Variants in FAM149A observed in about 807,000 individuals in gnomAD.
FAM149A encodes protein FAM149A.
FAM149A carries 71 observed loss-of-function variants against 78.2 expected under a neutral mutation model. The observed-to-expected ratio is 0.91, with a 90% CI of 0.75 to 1.11. The LOEUF (loss-of-function observed/expected upper bound fraction) is 1.11, where lower values mean the gene tolerates loss of function less well. Among genes scored for constraint, FAM149A ranks in the 50% least tolerant of loss-of-function variants. FAM149A has a pLI of 0.00. For synonymous variants in FAM149A, 446 were observed against 410.5 expected, an observed-to-expected ratio of 1.09 and a Z score of -1.04; for missense variants, 1,036 against 971.0, an observed-to-expected ratio of 1.07 and a Z score of -0.89.
chr4:186,141,235 GA>G (rs1216980787), intron 1 of FAM149A, among the ~76,000 whole-genome samples: 1 of 152,088 alleles, frequency 6.6e-6, no homozygotes, highest in African/African-American at 2.4e-5. Context: ...ATAGATACTG[GA>G]TATTAGACCT....
In FAM149A at chr4:186,164,601, T is replaced by G. The variant is rs1041974199; in HGVS notation, c.1890-743T>G. 13 of 502,708 alleles carry G rather than the reference T, an allele frequency of 2.6e-5. No individual in the cohort carries two copies. Among genetic ancestry groups the G allele is most frequent in the Non-Finnish European group, 2.6e-5 (10 of 388,598 alleles). The allele number at this position is 502,708 out of a possible 1,614,324, so 31.1% of individuals were successfully genotyped here. On this transcript the variant is annotated intron_variant, in intron 10 of 13. Transcript: ENST00000389354. This position sits in a 1 kb window ranked among gnomAD's most constrained non-coding sequence, Gnocchi z 4.0. Reference sequence around the variant, plus strand: ...GTCTGCTGTGCTGATTCCTTCGAGATCCCTCTCCCTCCTCCGCCTCGCTTC... The same window carrying G: ...GTCTGCTGTGCTGATTCCTTCGAGAGCCCTCTCCCTCCTCCGCCTCGCTTC...
intron 1 of FAM149A, among the ~76,000 whole-genome samples, chr4:186,115,480 A>T (rs988799474): frequency 9.7e-6 from 1 of 102,808 alleles, no homozygotes; most frequent in Non-Finnish European, 2.0e-5. Flanking sequence ...TCTGCGTTTT[A>T]GAGTTTCCAG....
intron 1 of FAM149A, chr4:186,109,310 T>C: frequency 1.4e-6 from 1 of 693,930 alleles, no homozygotes; most frequent in Non-Finnish European, 1.8e-6. Context: ...ATATATTCAC[T>C]CTTTTTTTTT....
At chr4:186,125,493 C>A in intron 1 of FAM149A, 1 of 365,424 alleles carries the variant, frequency 2.7e-6, no homozygotes, top group Non-Finnish European at 3.8e-6. Context: ...GTCCGTCCGT[C>A]AGCCAGCCAG....
intron 13 of FAM149A, among the ~76,000 whole-genome samples, chr4:186,167,922 G>A (rs555304572): frequency 2.1e-4 from 32 of 152,020 alleles, no homozygotes; most frequent in Admixed American, 5.9e-4. Flanking sequence ...TAACAAGCAG[G>A]GTACATAAAA....
At chr4:186,113,562 C>G (rs186598520) in intron 1 of FAM149A, among the ~76,000 whole-genome samples, 1 of 128,226 alleles carries the variant, frequency 7.8e-6, no homozygotes, top group African/African-American at 3.0e-5. Flanking sequence ...CACACTGCTT[C>G]GAATGCGTCC....
At chr4:186,166,372 G>A (rs562898155) in intron 11 of FAM149A, among the ~76,000 whole-genome samples, 54 of 152,078 alleles carry the variant, frequency 3.6e-4, no homozygotes, top group Admixed American at 9.2e-4. Flanking sequence ...AAAAGGCAGC[G>A]GAGTGCAGTG....
intron 1 of FAM149A, among the ~76,000 whole-genome samples, chr4:186,142,842 G>A (rs1384640331): frequency 4.6e-5 from 7 of 152,114 alleles, no homozygotes; most frequent in Admixed American, 3.3e-4. Flanking sequence ...TCAACCTGCC[G>A]CAATTCCTGA....
intron 1 of FAM149A, among the ~76,000 whole-genome samples, chr4:186,119,265 TAC>T (rs2099314995): frequency 6.6e-6 from 1 of 152,222 alleles, no homozygotes; most frequent in Non-Finnish European, 1.5e-5. Context: ...CACCATGTAC[TAC>T]GTAGTACTCG....
chr4:186,123,321 A>T (rs2099316886), intron 1 of FAM149A: 1 of 985,308 alleles, frequency 1.0e-6, no homozygotes, highest in African/African-American at 1.7e-5. Context: ...TTCTCTAGTC[A>T]TTGCAAGTTT....
chr4:186,127,544 T>G (rs1351203782), intron 1 of FAM149A: 2 of 985,328 alleles, frequency 2.0e-6, no homozygotes, highest in Non-Finnish European at 2.4e-6. Flanking sequence ...TCTTACAGCA[T>G]CCATCAGAGG....
At chr4:186,150,569 A>G (rs13127413) in intron 3 of FAM149A, among the ~76,000 whole-genome samples, 42,992 of 100,298 alleles carry the variant, frequency 0.43, 8,345 homozygotes, top group East Asian at 0.51. Context: ...ACAGGCGCCC[A>G]CCACCACGCC....
At chr4:186,157,493 A>G in intron 7 of FAM149A, 72 bp from the exon 8 acceptor site, 1 of 1,481,570 alleles carries the variant, frequency 6.7e-7, no homozygotes, top group East Asian at 2.3e-5. Context: ...ATTCTCTTTC[A>G]AGAGTGAATT....
At chr4:186,126,712 G>A (rs1166926963) in intron 1 of FAM149A, among the ~76,000 whole-genome samples, 8 of 152,182 alleles carry the variant, frequency 5.3e-5, no homozygotes, top group East Asian at 3.9e-4. Flanking sequence ...TTCACACTCG[G>A]GCTGGATCAC....
chr4:186,110,601 G>A (rs1306445635), intron 1 of FAM149A, among the ~76,000 whole-genome samples: 3 of 125,972 alleles, frequency 2.4e-5, no homozygotes, highest in African/African-American at 9.4e-5. Flanking sequence ...GTGTCCATGT[G>A]ATCTCATTGT....
At chr4:186,136,964 TTCTCTCTC>T (rs1386094089) in intron 1 of FAM149A, among the ~76,000 whole-genome samples, 1 of 97,042 alleles carries the variant, frequency 1.0e-5, no homozygotes, top group East Asian at 2.8e-4. Flanking sequence ...CTCTCTCTCT[TTCTCTCTC>T]TCTTTCTCTC....
chr4:186,137,009 T>C (rs1264794404), intron 1 of FAM149A, among the ~76,000 whole-genome samples: 2 of 139,174 alleles, frequency 1.4e-5, no homozygotes, highest in Non-Finnish European at 3.1e-5. Context: ...TCTCTCTCTC[T>C]CTCTCTCTCT....
chr4:186,128,892 G>A (rs564553259), intron 1 of FAM149A, among the ~76,000 whole-genome samples: 6 of 151,968 alleles, frequency 3.9e-5, no homozygotes, highest in African/African-American at 1.4e-4. Context: ...GGGTGTGTAT[G>A]TGTGTGTGTC....
At chr4:186,142,710 A>C (rs1032550895) in intron 1 of FAM149A, among the ~76,000 whole-genome samples, 1 of 152,186 alleles carries the variant, frequency 6.6e-6, no homozygotes, top group Non-Finnish European at 1.5e-5. Context: ...CTGAGCCCAG[A>C]CTTCCAGCCA....
Sources: allele counts gnomAD v4.1 joint callset (sites outside exome capture counted in the v4.1 genomes callset), GRCh38; gene constraint gnomAD v4.1.1; non-coding constraint Gnocchi (gnomAD v3.1); transcripts MANE v1.5; gene names NCBI Gene and HGNC (gene_info 2026-07-23, HGNC 2026-07-21).